The following NPR3 variants were observed in gnomAD, a reference collection of about 807,000 sequenced individuals.
NPR3 encodes natriuretic peptide receptor 3.
NPR3 carries 34 observed loss-of-function variants against 54.5 expected under a neutral mutation model. The observed-to-expected ratio is 0.62, with a 90% CI of 0.47 to 0.83. The LOEUF is 0.83. Among genes scored for constraint, NPR3 ranks in the 40% least tolerant of loss-of-function variants. The probability of loss-of-function intolerance (pLI) is 0.00; values close to 1 mark genes in which losing one functional copy is unlikely to be tolerated. For synonymous variants in NPR3, 289 were observed against 297.1 expected, an observed-to-expected ratio of 0.97 and a Z score of 0.28; for missense variants, 674 against 720.8, an observed-to-expected ratio of 0.94 and a Z score of 0.74.
intron 3 of NPR3, among the ~76,000 whole-genome samples, chr5:32,765,471 T>C (rs1426193455): frequency 1.3e-5 from 2 of 152,168 alleles, no homozygotes; most frequent in Non-Finnish European, 2.9e-5. Context: ...GCAGGCACGA[T>C]GACAGTGGCA....
intron 1 of NPR3, among the ~76,000 whole-genome samples, chr5:32,696,159 A>G (rs931408742): frequency 6.6e-6 from 1 of 151,998 alleles, no homozygotes; most frequent in Non-Finnish European, 1.5e-5. Flanking sequence ...TTGAGGTCTC[A>G]GATTTGATTT....
At chr5:32,695,001 T>A (rs1288412165) in intron 1 of NPR3, among the ~76,000 whole-genome samples, 1 of 152,222 alleles carries the variant, frequency 6.6e-6, no homozygotes, top group African/African-American at 2.4e-5. Context: ...CATAATGGCT[T>A]CCAGTTCCAT....
rs983534108 is a variant in NPR3, at chr5:32,787,193, C to A, written c.*848C>A. ...AACAAACCAATAATGATAAAAAATA[C>A]TTCTCTTTTTCTCCCTGTTTCCCTT... On this transcript the variant is annotated 3_prime_UTR_variant, in exon 8 of 8. Transcript: ENST00000265074. 6.6e-6 allele frequency: 1 copy of A among 152,516 alleles called. No individual in the cohort carries two copies. The highest frequency in any genetic ancestry group is 2.4e-5 in the African/African-American group (1 of 41,398). The allele number at this position is 152,516 out of a possible 1,614,324, so 9.4% of individuals were successfully genotyped here.
At position 32,791,327 on chromosome 5, in the gene NPR3, C is replaced by T. The variant is rs1742899337; in HGVS notation, c.*4982C>T. 4 of 167,060 alleles carry T rather than the reference C, an allele frequency of 2.4e-5. No homozygotes were observed. 10.3% of individuals were successfully genotyped at this position (167,060 alleles called of 1,614,324 possible). On this transcript the variant is annotated 3_prime_UTR_variant, in exon 8 of 8. Transcript: ENST00000265074. Reference sequence around the variant, plus strand: ...ACCTTGTGACAGACCAATTCTGTGACCCCTGTCTTCTGGGTCACATTATTC... The same window carrying T: ...ACCTTGTGACAGACCAATTCTGTGATCCCTGTCTTCTGGGTCACATTATTC...
Position 32,788,901 on chromosome 5 carries a change from T to G in NPR3, c.*2556T>G, listed in dbSNP as rs1487448575. On this transcript the variant is annotated 3_prime_UTR_variant, in exon 8 of 8. Transcript: ENST00000265074. Reference sequence around the variant, plus strand: ...TATGGGTTACAAAAACTCTGTTAGGTTTTGAAAATTCCATTAAGTTGGAAA... The same window carrying G: ...TATGGGTTACAAAAACTCTGTTAGGGTTTGAAAATTCCATTAAGTTGGAAA... 3 of 152,284 alleles carry G rather than the reference T, an allele frequency of 2.0e-5. No individual in the cohort carries two copies. The highest frequency in any genetic ancestry group is 7.2e-5 in the African/African-American group (3 of 41,416). 9.4% of individuals were successfully genotyped at this position (152,284 alleles called of 1,614,324 possible).
At chr5:32,776,660 T>G (rs1201874054) in intron 4 of NPR3, among the ~76,000 whole-genome samples, 3 of 152,202 alleles carry the variant, frequency 2.0e-5, no homozygotes, top group African/African-American at 7.2e-5. Flanking sequence ...TATTAATTTA[T>G]TCATTCAACA....
At chr5:32,705,608 A>C (rs1001130439), upstream of NPR3, among the ~76,000 whole-genome samples, 2 of 152,102 alleles carry the variant, frequency 1.3e-5, no homozygotes, top group African/African-American at 4.8e-5. Flanking sequence ...ATTTTATGAG[A>C]ACTCTATCAC....
At chr5:32,693,818 T>C (rs1187657776) in intron 1 of NPR3, among the ~76,000 whole-genome samples, 1 of 152,140 alleles carries the variant, frequency 6.6e-6, no homozygotes, top group African/African-American at 2.4e-5. Flanking sequence ...GAGTATTGAG[T>C]ACATTAGTAC....
At chr5:32,706,116 G>T (rs1322025451), upstream of NPR3, among the ~76,000 whole-genome samples, 1 of 152,034 alleles carries the variant, frequency 6.6e-6, no homozygotes, top group Non-Finnish European at 1.5e-5. Context: ...ATTCTCATGA[G>T]ATCTGGCTGT....
intron 2 of NPR3, among the ~76,000 whole-genome samples, chr5:32,726,107 G>A (rs375986512): frequency 1.8e-4 from 27 of 152,300 alleles, no homozygotes; most frequent in African/African-American, 2.4e-4. Context: ...TGCTCAGAGC[G>A]GAGCAGTTGT....
At chr5:32,777,116 G>A (rs1268727540) in intron 4 of NPR3, among the ~76,000 whole-genome samples, 3 of 152,192 alleles carry the variant, frequency 2.0e-5, no homozygotes, top group African/African-American at 7.2e-5. Flanking sequence ...GAGGTAATGG[G>A]GCCAGATCAT....
intron 5 of NPR3, among the ~76,000 whole-genome samples, chr5:32,781,675 C>A (rs779007187): frequency 1.3e-5 from 2 of 152,214 alleles, no homozygotes; most frequent in Non-Finnish European, 2.9e-5. Context: ...CAGCAGGAGT[C>A]ACCCTCGCTA....
intron 1 of NPR3, among the ~76,000 whole-genome samples, chr5:32,698,199 T>C (rs917624250): frequency 6.6e-6 from 1 of 152,066 alleles, no homozygotes; most frequent in African/African-American, 2.4e-5. Flanking sequence ...CCATTATCCT[T>C]TGTTTCAAGA....
rs527652650 is a variant in NPR3, at chr5:32,728,894, G to A, written c.892+4074G>A. Among the ~76,000 whole-genome samples, 101 of 124,588 alleles carry A rather than the reference G, an allele frequency of 8.1e-4. 2 individuals carry two copies. Among genetic ancestry groups the A allele is most frequent in the Non-Finnish European group, 6.3e-4 (38 of 60,576 alleles). 81.7% of individuals were successfully genotyped at this position (124,588 alleles called of 152,430 possible). On this transcript the variant is annotated intron_variant, in intron 2 of 7. Coordinates refer to ENST00000265074, the MANE Select transcript of NPR3 (RefSeq NM_001204375.2). ...ATATATATGTAAAATGAGACATCTT[G>A]GAGATGGGACCCAAGTCTAAACATG...
intron 2 of NPR3, among the ~76,000 whole-genome samples, chr5:32,735,236 C>T (rs765021790): frequency 1.3e-5 from 2 of 152,062 alleles, no homozygotes; most frequent in Non-Finnish European, 2.9e-5. Context: ...ATTTCCATGT[C>T]CTTCTAACCC....
At chr5:32,761,299 C>A (rs906581941) in intron 3 of NPR3, among the ~76,000 whole-genome samples, 9 of 152,040 alleles carry the variant, frequency 5.9e-5, no homozygotes, top group African/African-American at 2.2e-4. Context: ...TATACTGAGT[C>A]TTTCAATCCA....
chr5:32,772,799 C>A (rs1356897171), intron 3 of NPR3, among the ~76,000 whole-genome samples: 8 of 152,138 alleles, frequency 5.3e-5, no homozygotes, highest in African/African-American at 1.2e-4. Context: ...AACCTAACGA[C>A]ATCCCCACGA....
At chr5:32,748,450 A>G (rs1022872856) in intron 3 of NPR3, among the ~76,000 whole-genome samples, 7 of 152,196 alleles carry the variant, frequency 4.6e-5, no homozygotes, top group Non-Finnish European at 7.4e-5. Flanking sequence ...CCACCTGTAG[A>G]GCTGGAAGGA....
chr5:32,762,496 T>C (rs1181471900), intron 3 of NPR3, among the ~76,000 whole-genome samples: 1 of 149,694 alleles, frequency 6.7e-6, no homozygotes, highest in Non-Finnish European at 1.5e-5. Context: ...CTAACTGGCG[T>C]GAGGTGGTAT....
Sources: allele counts gnomAD v4.1 joint callset (sites outside exome capture counted in the v4.1 genomes callset), GRCh38; gene constraint gnomAD v4.1.1; transcripts MANE v1.5; gene names NCBI Gene and HGNC (gene_info 2026-07-23, HGNC 2026-07-21).